Variants in TJP1 observed in about 807,000 individuals in gnomAD.
TJP1 encodes tight junction protein 1, also known as tight junction protein ZO-1.
Under a neutral mutation model 194.2 loss-of-function variants are expected in TJP1, and 43 were observed. That is an observed-to-expected ratio of 0.22 (90% CI 0.17 to 0.29). TJP1 has a LOEUF of 0.29. Among genes scored for constraint, TJP1 ranks in the 10% least tolerant of loss-of-function variants. The probability of loss-of-function intolerance (pLI) is 1.00; values close to 1 mark genes in which losing one functional copy is unlikely to be tolerated. For missense variants in TJP1, 1,971 were observed against 2,185.7 expected, an observed-to-expected ratio of 0.90 and a Z score of 1.96; for synonymous variants, 801 against 779.0, an observed-to-expected ratio of 1.03 and a Z score of -0.47.
Position 29,728,035 on chromosome 15 carries a change from G to C in TJP1, c.2018-16C>G. ...GGTTCACTCTCTATTCATTATGTCA[G>C]GACAAAAATAAGACATCAAATTTTC... On this transcript the variant is annotated splice_polypyrimidine_tract_variant and intron_variant, in intron 15 of 27. Transcript: ENST00000614355. The C allele has an allele frequency of 1.2e-6, 2 of 1,610,848 alleles. No individual in the cohort carries two copies. The highest frequency in any genetic ancestry group is 1.7e-6 in the Non-Finnish European group (2 of 1,177,340).
intron 2 of TJP1, among the ~76,000 whole-genome samples, chr15:29,850,701 G>C (rs1410105246): frequency 6.6e-6 from 1 of 152,050 alleles, no homozygotes; most frequent in Non-Finnish European, 1.5e-5. Context: ...AATGAAATAG[G>C]CTGGGCACAG....
intron 2 of TJP1, among the ~76,000 whole-genome samples, chr15:29,841,316 A>G (rs1004144982): frequency 6.6e-6 from 1 of 152,194 alleles, no homozygotes; most frequent in Non-Finnish European, 1.5e-5. Context: ...TCAGGGGGAA[A>G]ATATTTCAGC....
At chr15:29,707,058 T>C (rs543622816) in intron 25 of TJP1, among the ~76,000 whole-genome samples, 1 of 152,166 alleles carries the variant, frequency 6.6e-6, no homozygotes, top group Non-Finnish European at 1.5e-5. Context: ...CTGAGTATGG[T>C]CCTGCCTCAG....
chr15:29,938,255 G>A (rs1052581774), intron 2 of TJP1, among the ~76,000 whole-genome samples: 1 of 152,178 alleles, frequency 6.6e-6, no homozygotes, highest in African/African-American at 2.4e-5. Context: ...TATAGTTAGA[G>A]CAAAAGGAAA....
chr15:29,846,934 AAAAG>A (rs201818881), intron 2 of TJP1, among the ~76,000 whole-genome samples: 6 of 141,902 alleles, frequency 4.2e-5, no homozygotes, highest in Non-Finnish European at 8.0e-5. Flanking sequence ...TCAAAGAAAA[AAAAG>A]AAAGAAAGAA....
At chr15:29,806,171 G>A (rs1333072608) in intron 1 of TJP1, among the ~76,000 whole-genome samples, 3 of 152,180 alleles carry the variant, frequency 2.0e-5, no homozygotes, top group African/African-American at 7.2e-5. Context: ...AAGTGTGGGT[G>A]GAGTTCAAAA....
chr15:29,798,657 C>A (rs1315413212), intron 2 of TJP1, among the ~76,000 whole-genome samples: 1 of 152,062 alleles, frequency 6.6e-6, no homozygotes, highest in Non-Finnish European at 1.5e-5. Flanking sequence ...GGACCCACAG[C>A]AAGTCTTTTC....
At chr15:29,947,799 C>T (rs2055334743) in intron 2 of TJP1, among the ~76,000 whole-genome samples, 1 of 152,208 alleles carries the variant, frequency 6.6e-6, no homozygotes, top group East Asian at 1.9e-4. Context: ...AGAGTCACAG[C>T]AGCCACCTAG....
chr15:29,867,696 T>C (rs1196341471), intron 2 of TJP1, among the ~76,000 whole-genome samples: 1 of 152,042 alleles, frequency 6.6e-6, no homozygotes, highest in Non-Finnish European at 1.5e-5. Context: ...GGCAAGAGGG[T>C]AGCTTGAGGT....
At chr15:29,927,600 G>T (rs79285706) in intron 2 of TJP1, among the ~76,000 whole-genome samples, 2,126 of 152,220 alleles carry the variant, frequency 0.014, 51 homozygotes, top group African/African-American at 0.048. Flanking sequence ...AAAATATAAA[G>T]GATATTTTCT....
rs369915729 is a variant in TJP1 at position 29,701,636 on chromosome 15, C to T, written c.5266G>A (p.Val1756Ile). Residue 1756 changes from valine (V) to isoleucine (I), a missense_variant, in exon 28 of 28, where the codon GTT becomes ATT. Physicochemically the swap from Val to Ile is conservative, Grantham distance 29. Transcript: ENST00000614355. ...AGGACAGAAACACAGTTTGCTCCAA[C>T]GAGATAATTTGGATCTCCGGGAAGA... ...KCLPGDPNYLVGANCVSVLID... is the reference protein window; with the variant it reads ...KCLPGDPNYLIGANCVSVLID... 31 of 1,613,956 alleles carry T rather than the reference C, an allele frequency of 1.9e-5. No homozygotes were observed. Among genetic ancestry groups the T allele is most frequent in the Non-Finnish European group, 2.5e-5 (29 of 1,180,012 alleles).
intron 2 of TJP1, among the ~76,000 whole-genome samples, chr15:29,887,587 C>T (rs1379039743): frequency 6.6e-6 from 1 of 152,012 alleles, no homozygotes; most frequent in African/African-American, 2.4e-5. Context: ...AGGCATGAGC[C>T]ACCGCACCTG....
At chr15:29,745,995 T>C (rs1352009465) in intron 8 of TJP1, among the ~76,000 whole-genome samples, 1 of 152,194 alleles carries the variant, frequency 6.6e-6, no homozygotes, top group Non-Finnish European at 1.5e-5. Flanking sequence ...GTGGATTTGA[T>C]CTATTTCACT....
Position 29,726,419 on chromosome 15 carries a change from T to C in TJP1, c.2372A>G (p.Gln791Arg). ...CCATACCAGCTGGTTTTGCTGTTGT[T>C]GAATTGCTTCTTTCAGCGCACCATA... ...GWYGALKEAI[Q>R]QQQNQLVWVS... Residue 791 changes from glutamine (Q) to arginine (R), a missense_variant, in exon 18 of 28, where the codon CAA (glutamine) becomes CGA (arginine). Gln to Arg is a conservative substitution (Grantham distance 43). Coordinates refer to ENST00000614355, the MANE Select transcript of TJP1 (RefSeq NM_001330239.4). 30 of 1,614,170 alleles carry C rather than the reference T, an allele frequency of 1.9e-5. No individual in the cohort carries two copies. The highest frequency in any genetic ancestry group is 2.5e-5 in the Non-Finnish European group (30 of 1,179,998).
intron 2 of TJP1, among the ~76,000 whole-genome samples, chr15:29,919,742 C>T (rs1242480688): frequency 2.6e-5 from 4 of 152,190 alleles, no homozygotes; most frequent in African/African-American, 9.7e-5. Context: ...TCCTGACAGG[C>T]ATTCTCCAAT....
chr15:29,751,564 A>C (rs2045284184), intron 8 of TJP1, among the ~76,000 whole-genome samples: 1 of 152,262 alleles, frequency 6.6e-6, no homozygotes, highest in African/African-American at 2.4e-5. Context: ...GAAACAACTG[A>C]GGAAAGCCCA....
At chr15:29,858,802 T>A (rs1046947745) in intron 2 of TJP1, among the ~76,000 whole-genome samples, 1 of 151,960 alleles carries the variant, frequency 6.6e-6, no homozygotes, top group African/African-American at 2.4e-5. Context: ...CTACCTCAGC[T>A]TCCCAAGTAG....
At chr15:29,950,033 ACC>A (rs2055624953) in intron 2 of TJP1, among the ~76,000 whole-genome samples, 4 of 55,150 alleles carry the variant, frequency 7.3e-5, no homozygotes, top group Non-Finnish European at 1.3e-4. Flanking sequence ...CTCCACCTTC[ACC>A]ACCACCTCCA....
At chr15:29,955,835 A>G (rs2055921290) in intron 2 of TJP1, among the ~76,000 whole-genome samples, 1 of 151,150 alleles carries the variant, frequency 6.6e-6, no homozygotes, top group East Asian at 1.9e-4. Flanking sequence ...TACTAATAAT[A>G]TCAGAGTAAT....
Sources: gnomAD v4.1 joint callset for allele counts (sites outside exome capture counted in the v4.1 genomes callset) on GRCh38, gnomAD v4.1.1 for gene constraint, MANE v1.5 for transcripts, NCBI Gene and HGNC (gene_info 2026-07-23, HGNC 2026-07-21) for gene names.